The following FOXP2 variants were observed in gnomAD, a reference collection of about 807,000 sequenced individuals.
FOXP2 encodes the protein forkhead box protein P2.
In FOXP2, 12 loss-of-function variants were observed where a neutral mutation model predicts 115.8. The ratio of observed to expected loss-of-function variants is 0.10; its 90% CI spans 0.07 to 0.17. The LOEUF (loss-of-function observed/expected upper bound fraction) is 0.17, where lower values mean the gene tolerates loss of function less well. Among genes scored for constraint, FOXP2 ranks in the 10% least tolerant of loss-of-function variants. FOXP2 has a pLI of 1.00. For synonymous variants in FOXP2, 328 were observed against 297.7 expected, an observed-to-expected ratio of 1.10 and a Z score of -1.05; for missense variants, 629 against 843.5, an observed-to-expected ratio of 0.75 and a Z score of 3.15.
chr7:114,642,669 T>C (rs1805602889), intron 7 of FOXP2, 46 bp downstream of exon 7: 3 of 1,548,768 alleles, frequency 1.9e-6, no homozygotes, highest in South Asian at 2.2e-5. Context: ...TTTCAGATTT[T>C]ATTTTCACCA....
At chr7:114,567,423 A>G (rs887096471) in intron 3 of FOXP2, among the ~76,000 whole-genome samples, 1 of 152,122 alleles carries the variant, frequency 6.6e-6, no homozygotes, top group Non-Finnish European at 1.5e-5. Flanking sequence ...TCAGCATACT[A>G]TCTCCAGAGC....
intron 2 of FOXP2, among the ~76,000 whole-genome samples, chr7:114,372,019 G>A (rs1321793600): frequency 1.3e-5 from 2 of 152,066 alleles, no homozygotes; most frequent in Admixed American, 6.5e-5. Context: ...TATTTACTAT[G>A]TATCATATAT....
intron 2 of FOXP2, among the ~76,000 whole-genome samples, chr7:114,506,509 G>T (rs1164837683): frequency 6.6e-6 from 1 of 151,346 alleles, no homozygotes; most frequent in Non-Finnish European, 1.5e-5. Context: ...TTATCAAATT[G>T]TATTAATCAC....
chr7:114,663,581 A>G, intron 15 of FOXP2, 62 bp downstream of exon 15: 1 of 1,118,586 alleles, frequency 8.9e-7, no homozygotes, highest in Non-Finnish European at 1.3e-6. Context: ...TTTTTTTGGC[A>G]TGTCTTTGTA....
At chr7:114,641,162 T>C (rs1805507488) in intron 6 of FOXP2, among the ~76,000 whole-genome samples, 1 of 152,214 alleles carries the variant, frequency 6.6e-6, no homozygotes, top group Non-Finnish European at 1.5e-5. Context: ...TCTCTTAGTT[T>C]GTTTCCTTTT....
chr7:114,464,687 G>A (rs769215468), intron 2 of FOXP2, among the ~76,000 whole-genome samples: 10 of 152,258 alleles, frequency 6.6e-5, no homozygotes, highest in South Asian at 6.2e-4. Flanking sequence ...TTACATTTGC[G>A]ATGAGCAAGC....
intron 3 of FOXP2, among the ~76,000 whole-genome samples, chr7:114,596,726 C>A (rs1030139459): frequency 6.6e-6 from 1 of 152,046 alleles, no homozygotes; most frequent in African/African-American, 2.4e-5. Flanking sequence ...CCCCTCCATA[C>A]GTGTCCCAGG....
At chr7:114,480,519 T>TTA (rs1277746300) in intron 2 of FOXP2, among the ~76,000 whole-genome samples, 4 of 150,576 alleles carry the variant, frequency 2.7e-5, no homozygotes, top group Admixed American at 6.6e-5. Flanking sequence ...GAATTTGATT[T>TTA]TATATATATA....
Position 114,092,537 on chromosome 7 carries a change from A to G in FOXP2, c.-247+4699A>G, listed in dbSNP as rs549171359. On this transcript the variant is annotated intron_variant, in intron 1 of 19. Transcript: ENST00000635638. ...CTTTTTCTCAACCTTAAAAAAAAAA[A>G]CTTTCTTAAAATGTATTTTAGGGGT... Among the ~76,000 whole-genome samples, 5 of 152,118 alleles carry G rather than the reference A, an allele frequency of 3.3e-5. No homozygotes were observed. In the South Asian group the frequency reaches 1.0e-3, roughly 32 times the overall value.
intron 1 of FOXP2, among the ~76,000 whole-genome samples, chr7:114,260,358 C>A (rs982811733): frequency 7.2e-5 from 11 of 152,020 alleles, no homozygotes; most frequent in Non-Finnish European, 1.5e-4. Flanking sequence ...ATTAGCTCAG[C>A]AAATAGTAAA....
chr7:114,440,068 T>C (rs1794533339), intron 2 of FOXP2, among the ~76,000 whole-genome samples: 3 of 152,138 alleles, frequency 2.0e-5, no homozygotes, highest in Non-Finnish European at 4.4e-5. Context: ...TGGAATAATT[T>C]TAATACATTA....
At chr7:114,538,539 T>C (rs1248428909) in intron 3 of FOXP2, among the ~76,000 whole-genome samples, 4 of 151,646 alleles carry the variant, frequency 2.6e-5, no homozygotes, top group Admixed American at 6.6e-5. Flanking sequence ...AGTTCAAGAA[T>C]GGAATAGTAA....
chr7:114,089,364 G>C (rs556846576), intron 1 of FOXP2, among the ~76,000 whole-genome samples: 1 of 151,936 alleles, frequency 6.6e-6, no homozygotes, highest in African/African-American at 2.4e-5. Flanking sequence ...TTAAATATAA[G>C]TACAATGAAT....
chr7:114,205,282 C>A (rs780308935), intron 1 of FOXP2, among the ~76,000 whole-genome samples: 1 of 152,084 alleles, frequency 6.6e-6, no homozygotes. Flanking sequence ...ACACATTGCG[C>A]TCAACAAAAG....
At chr7:114,425,264 A>G (rs1488620965) in intron 1 of FOXP2, among the ~76,000 whole-genome samples, 2 of 151,654 alleles carry the variant, frequency 1.3e-5, no homozygotes, top group African/African-American at 4.8e-5. Context: ...AGATTGAGTG[A>G]TAAGTTTACT....
intron 1 of FOXP2, among the ~76,000 whole-genome samples, chr7:114,213,565 C>G (rs1327238663): frequency 6.6e-6 from 1 of 152,070 alleles, no homozygotes; most frequent in East Asian, 1.9e-4. Context: ...TATCTCACAG[C>G]TTCATATCTT....
intron 1 of FOXP2, among the ~76,000 whole-genome samples, chr7:114,259,978 CT>C (rs1795708531): frequency 6.6e-6 from 1 of 152,104 alleles, no homozygotes; most frequent in Non-Finnish European, 1.5e-5. Flanking sequence ...CAACCTCCAT[CT>C]CCCAGGTTCA....
chr7:114,096,107 A>G (rs1449471330), intron 1 of FOXP2, among the ~76,000 whole-genome samples: 1 of 152,200 alleles, frequency 6.6e-6, no homozygotes, highest in Non-Finnish European at 1.5e-5. Context: ...TGCAACATAT[A>G]CATACTTCAT....
At chr7:114,492,880 T>C (rs189271099) in intron 2 of FOXP2, among the ~76,000 whole-genome samples, 1 of 152,296 alleles carries the variant, frequency 6.6e-6, no homozygotes, top group African/African-American at 2.4e-5. Context: ...GAAAAGAATG[T>C]ATATTCTGTT....
Sources: allele counts gnomAD v4.1 joint callset (sites outside exome capture counted in the v4.1 genomes callset), GRCh38; gene constraint gnomAD v4.1.1; transcripts MANE v1.5; gene names NCBI Gene and HGNC (gene_info 2026-07-23, HGNC 2026-07-21).